GPM6A: variants seen among roughly 807,000 people sequenced by gnomAD.
GPM6A encodes neuronal membrane glycoprotein M6-a.
Under a neutral mutation model 32.1 loss-of-function variants are expected in GPM6A, and 7 were observed. That is an observed-to-expected ratio of 0.22 (90% CI 0.12 to 0.41). The LOEUF is 0.41. GPM6A is among the 10% of genes least tolerant of loss of function. GPM6A has a pLI of 1.00. For synonymous variants in GPM6A, 130 were observed against 123.4 expected (o/e 1.05, Z -0.35); for missense variants, 235 against 347.2 (o/e 0.68, Z 2.57).
At chr4:175,645,839 T>C (rs1329419120) in intron 4 of GPM6A, among the ~76,000 whole-genome samples, 2 of 152,222 alleles carry the variant, frequency 1.3e-5, no homozygotes, top group East Asian at 3.8e-4. Flanking sequence ...TACTATGAAA[T>C]ATAAATGCTT....
intron 1 of GPM6A, among the ~76,000 whole-genome samples, chr4:175,931,709 C>CATATATAT (rs3034786): frequency 4.6e-5 from 6 of 129,326 alleles, no homozygotes; most frequent in African/African-American, 1.7e-4. Context: ...CACACACACA[C>CATATATAT]ATATATATAT....
At chr4:175,826,566 C>T (rs1253726466) in intron 1 of GPM6A, among the ~76,000 whole-genome samples, 8 of 152,078 alleles carry the variant, frequency 5.3e-5, no homozygotes, top group Non-Finnish European at 7.4e-5. Context: ...AAAGATGGAA[C>T]GGAAAACTGG....
chr4:175,870,634 C>T (rs79363283), intron 1 of GPM6A, among the ~76,000 whole-genome samples: 4,516 of 152,176 alleles, frequency 0.03, 207 homozygotes, highest in African/African-American at 0.1. Flanking sequence ...TACACTACAT[C>T]GCTTCTCTCC....
chr4:175,813,064 A>G (rs1273997855), upstream of GPM6A: 9 of 984,074 alleles, frequency 9.1e-6, no homozygotes, highest in East Asian at 1.1e-4. Flanking sequence ...ACTTAGTGCC[A>G]TATGACTCTT....
chr4:175,677,227 G>C (rs1743421242), intron 2 of GPM6A, among the ~76,000 whole-genome samples: 1 of 152,040 alleles, frequency 6.6e-6, no homozygotes, highest in African/African-American at 2.4e-5. Context: ...ACACATTTTT[G>C]CTATGATAAG....
chr4:175,970,914 C>T, intron 1 of GPM6A: 2 of 455,878 alleles, frequency 4.4e-6, no homozygotes, highest in Non-Finnish European at 8.8e-6. Flanking sequence ...CCTTTTTTTT[C>T]CCAACTGAAG....
chr4:175,826,283 C>T (rs970134385), intron 1 of GPM6A, among the ~76,000 whole-genome samples: 34 of 151,752 alleles, frequency 2.2e-4, no homozygotes, highest in Admixed American at 1.1e-3. Context: ...ATTAATCTCT[C>T]TTTCTCTCTC....
chr4:175,719,982 C>T (rs554112071), intron 1 of GPM6A, among the ~76,000 whole-genome samples: 1 of 152,132 alleles, frequency 6.6e-6, no homozygotes, highest in Admixed American at 6.6e-5. Flanking sequence ...CAAGCATAAG[C>T]CTGTCATTTT....
At chr4:175,656,408 T>A (rs994975701) in intron 3 of GPM6A, among the ~76,000 whole-genome samples, 12 of 152,150 alleles carry the variant, frequency 7.9e-5, no homozygotes, top group Non-Finnish European at 1.8e-4. Flanking sequence ...AGTATAAATT[T>A]CTTGAGATCC....
rs533314283 is a variant in GPM6A, at chr4:175,732,348, T to A, written c.38-30581A>T. ...TTATCCAAAACCCTCTGGTGTTCCC[T>A]ATTCCTTGGTCTCTTTTTCTTCTAT... On this transcript the variant is annotated intron_variant, in intron 1 of 6. Transcript: ENST00000393658. 7.2e-5 allele frequency among the ~76,000 whole-genome samples: 11 copies of A among 152,320 alleles called. No individual in the cohort carries two copies. In the South Asian group the frequency reaches 2.3e-3, roughly 32 times the overall value.
chr4:175,679,447 G>A (rs1743559679), intron 2 of GPM6A, among the ~76,000 whole-genome samples: 1 of 152,062 alleles, frequency 6.6e-6, no homozygotes, highest in African/African-American at 2.4e-5. Flanking sequence ...TCTGTACTGT[G>A]TACTACTTCT....
chr4:175,670,441 T>A (rs1742991730), intron 3 of GPM6A, among the ~76,000 whole-genome samples: 1 of 152,164 alleles, frequency 6.6e-6, no homozygotes, highest in South Asian at 2.1e-4. Context: ...AATAAATATG[T>A]TTTGGCTTAA....
Position 175,782,922 on chromosome 4 carries a change from CAG to C in GPM6A, c.37+29267_37+29268del, listed in dbSNP as rs1303248846. Among the ~76,000 whole-genome samples the C allele has an allele frequency of 5.3e-5, 8 of 150,430 alleles. No homozygotes were observed. In the South Asian group the frequency reaches 1.5e-3, roughly 28 times the overall value. On this transcript the variant is annotated intron_variant, in intron 1 of 6. Transcript: ENST00000393658. ...GTCAATACACTGAGTAAAATTAACACAGACATGGTAATATCCATATCTGTACT... is the reference window on the plus strand; with the variant it reads ...GTCAATACACTGAGTAAAATTAACACACATGGTAATATCCATATCTGTACT...
chr4:175,720,928 A>G (rs1242700440), intron 1 of GPM6A, among the ~76,000 whole-genome samples: 5 of 151,404 alleles, frequency 3.3e-5, no homozygotes, highest in Non-Finnish European at 5.9e-5. Context: ...TGATGAAAAG[A>G]CTATAGAGAA....
intron 1 of GPM6A, among the ~76,000 whole-genome samples, chr4:175,905,371 T>A (rs1579614362): frequency 6.6e-6 from 1 of 151,940 alleles, no homozygotes; most frequent in Admixed American, 6.6e-5. Flanking sequence ...GGTTCTAAGT[T>A]TTTTTGTGAT....
intron 1 of GPM6A, among the ~76,000 whole-genome samples, chr4:175,775,874 A>T (rs1733373393): frequency 6.6e-6 from 1 of 152,174 alleles, no homozygotes; most frequent in Non-Finnish European, 1.5e-5. Context: ...TATAATCTAT[A>T]AATCAGCCCA....
intron 1 of GPM6A, among the ~76,000 whole-genome samples, chr4:175,803,178 C>G (rs952691378): frequency 3.3e-5 from 5 of 151,616 alleles, no homozygotes; most frequent in Non-Finnish European, 5.9e-5. Context: ...TCATCATCAT[C>G]ATCATCATCA....
intron 1 of GPM6A, among the ~76,000 whole-genome samples, chr4:175,890,525 T>TTTATG (rs796985942): frequency 1.2e-4 from 6 of 52,040 alleles, no homozygotes; most frequent in East Asian, 3.9e-4. Flanking sequence ...TTTATTTTAT[T>TTTATG]TTATGTTATG....
intron 1 of GPM6A, among the ~76,000 whole-genome samples, chr4:175,719,374 AT>A (rs1238347580): frequency 6.6e-6 from 1 of 151,956 alleles, no homozygotes; most frequent in Non-Finnish European, 1.5e-5. Context: ...AATTTTTTGT[AT>A]TTTTAGTAGA....
Sources: allele counts gnomAD v4.1 joint callset (sites outside exome capture counted in the v4.1 genomes callset), GRCh38; gene constraint gnomAD v4.1.1; transcripts MANE v1.5; gene names NCBI Gene and HGNC (gene_info 2026-07-23, HGNC 2026-07-21).